Variants in SSH2 observed in about 807,000 individuals in gnomAD.
SSH2 encodes protein phosphatase Slingshot homolog 2.
Under a neutral mutation model 135.2 loss-of-function variants are expected in SSH2, and 37 were observed. The ratio of observed to expected loss-of-function variants is 0.27; its 90% CI spans 0.21 to 0.36. The LOEUF is 0.36. SSH2 is among the 10% of genes least tolerant of loss of function. SSH2 has a pLI of 1.00. For missense variants in SSH2, 1,408 were observed against 1,765.3 expected (o/e 0.80, Z 3.63); for synonymous variants, 628 against 646.2 (o/e 0.97, Z 0.43).
intron 1 of SSH2, among the ~76,000 whole-genome samples, chr17:29,875,978 G>A (rs1567624808): frequency 2.6e-5 from 3 of 115,838 alleles, no homozygotes; most frequent in African/African-American, 3.6e-5. Flanking sequence ...AATTGAAGAG[G>A]ACACCAAAAA....
chr17:29,749,087 T>C (rs1369058068), intron 3 of SSH2, among the ~76,000 whole-genome samples: 28 of 152,168 alleles, frequency 1.8e-4, no homozygotes, highest in Admixed American at 1.8e-3. Flanking sequence ...TGAAAAATCT[T>C]TGTAAATTAG....
chr17:29,846,528 A>G (rs1316530192), intron 2 of SSH2, among the ~76,000 whole-genome samples: 1 of 152,224 alleles, frequency 6.6e-6, no homozygotes, highest in African/African-American at 2.4e-5. Context: ...AATACTGATA[A>G]TAAGTGTTCA....
intron 3 of SSH2, among the ~76,000 whole-genome samples, chr17:29,725,940 G>C (rs1325827112): frequency 1.3e-5 from 2 of 152,178 alleles, no homozygotes; most frequent in Non-Finnish European, 2.9e-5. Context: ...GGAATCAATA[G>C]ATTTGTGACA....
chr17:29,788,111 A>C (rs891236110), intron 3 of SSH2, among the ~76,000 whole-genome samples: 4 of 151,988 alleles, frequency 2.6e-5, no homozygotes, highest in African/African-American at 7.3e-5. Context: ...CTTATTTTTT[A>C]ATTGGGTTGT....
At chr17:29,827,209 A>T (rs2042761603) in intron 2 of SSH2, among the ~76,000 whole-genome samples, 1 of 152,228 alleles carries the variant, frequency 6.6e-6, no homozygotes, top group Non-Finnish European at 1.5e-5. Flanking sequence ...GCAAGTTACA[A>T]GGAAATTCCC....
At chr17:29,755,279 G>GT (rs2041077469) in intron 3 of SSH2, among the ~76,000 whole-genome samples, 1 of 152,104 alleles carries the variant, frequency 6.6e-6, no homozygotes, top group South Asian at 2.1e-4. Context: ...GATTCTCTGA[G>GT]TTGCTCATAT....
intron 2 of SSH2, among the ~76,000 whole-genome samples, chr17:29,846,007 A>G (rs1323624815): frequency 2.0e-5 from 3 of 152,006 alleles, no homozygotes; most frequent in African/African-American, 4.8e-5. Context: ...TGCCAGTATA[A>G]TAAGTCCAGA....
chr17:29,736,810 A>AAG (rs2040383826), intron 3 of SSH2, among the ~76,000 whole-genome samples: 1 of 139,072 alleles, frequency 7.2e-6, no homozygotes, highest in African/African-American at 2.7e-5. Context: ...AAAAAAAAAA[A>AAG]AAAAATGGGC....
In SSH2 at chr17:29,695,445, C is replaced by T. The variant is rs1480313125; in HGVS notation, c.357+14G>A. ...CTTTTGAGGAAGAAAATTATGATGA[C>T]ACCACTAACTTACCAGCCTGATGTT... is the stretch of plus-strand genomic sequence containing the variant. On this transcript the variant is annotated intron_variant, in intron 5 of 15. Transcript: ENST00000540801. 1.9e-6 allele frequency: 3 copies of T among 1,606,108 alleles called. No homozygotes were observed. Among genetic ancestry groups the T allele is most frequent in the East Asian group, 2.2e-5 (1 of 44,640 alleles).
At chr17:29,660,550 C>A (rs763244962) in intron 11 of SSH2, among the ~76,000 whole-genome samples, 1 of 152,100 alleles carries the variant, frequency 6.6e-6, no homozygotes, top group Non-Finnish European at 1.5e-5. Flanking sequence ...CAGGCATGAG[C>A]CACTGTGCCT....
rs562750541 is a variant in SSH2, at chr17:29,901,273, T to G, written c.63+28665A>C. Among the ~76,000 whole-genome samples, 3 of 152,060 alleles carry G rather than the reference T, an allele frequency of 2.0e-5. No homozygotes were observed. In the East Asian group the frequency reaches 5.8e-4, roughly 29 times the overall value. ...TGCACCTGTACCCTAAAACTTAAAGTATAATAATAAAAAAAAAACAATGTT... is the reference window on the plus strand; with the variant it reads ...TGCACCTGTACCCTAAAACTTAAAGGATAATAATAAAAAAAAAACAATGTT... On this transcript the variant is annotated intron_variant, in intron 1 of 15. Transcript: ENST00000540801.
At chr17:29,878,239 C>T (rs996562345) in intron 1 of SSH2, among the ~76,000 whole-genome samples, 1 of 151,970 alleles carries the variant, frequency 6.6e-6, no homozygotes, top group Non-Finnish European at 1.5e-5. Context: ...ACTAGCCTGA[C>T]CAACATGGAG....
At chr17:29,738,782 C>T (rs559730804) in intron 3 of SSH2, among the ~76,000 whole-genome samples, 1 of 152,002 alleles carries the variant, frequency 6.6e-6, no homozygotes, top group East Asian at 1.9e-4. Context: ...TCTCAATCTA[C>T]TGACCTTGTG....
At chr17:29,757,727 CAA>C (rs57511763) in intron 3 of SSH2, among the ~76,000 whole-genome samples, 11 of 78,766 alleles carry the variant, frequency 1.4e-4, no homozygotes, top group South Asian at 9.1e-4. Flanking sequence ...GCTGTCTCTA[CAA>C]AAAAAAAAAA....
chr17:29,803,948 G>A lies in SSH2; in HGVS notation c.145-10011C>T, dbSNP rs761051384. 6.6e-5 allele frequency among the ~76,000 whole-genome samples: 10 copies of A among 152,304 alleles called. No homozygotes were observed. In the East Asian group the frequency reaches 9.7e-4, roughly 15 times the overall value. ...ACACACAGTATGGTCCAGGACCAGA[G>A]TGAATACCTAGGCACTCATAATCTG... is the stretch of plus-strand genomic sequence containing the variant. On this transcript the variant is annotated intron_variant, in intron 2 of 15. Transcript: ENST00000540801.
intron 2 of SSH2, among the ~76,000 whole-genome samples, chr17:29,826,119 A>C (rs773650416): frequency 2.3e-4 from 35 of 152,228 alleles, no homozygotes; most frequent in Non-Finnish European, 4.4e-4. Context: ...CTGCAAAAAC[A>C]CAAAGCATCA....
chr17:29,709,659 A>G (rs1229895764), intron 3 of SSH2, among the ~76,000 whole-genome samples: 3 of 152,208 alleles, frequency 2.0e-5, no homozygotes, highest in Admixed American at 2.0e-4. Flanking sequence ...CCTGGGAAAC[A>G]GAGCGAAACT....
chr17:29,829,760 T>TA (rs1256342114), intron 2 of SSH2, among the ~76,000 whole-genome samples: 1 of 151,990 alleles, frequency 6.6e-6, no homozygotes, highest in Non-Finnish European at 1.5e-5. Context: ...CAAATATTTT[T>TA]AAAAAATCTC....
At chr17:29,846,655 G>A (rs934246335) in intron 2 of SSH2, among the ~76,000 whole-genome samples, 4 of 152,226 alleles carry the variant, frequency 2.6e-5, no homozygotes, top group Middle Eastern at 6.3e-3. Context: ...TGAATGAAAT[G>A]CAGTTGTGTA....
Sources: allele counts gnomAD v4.1 joint callset (sites outside exome capture counted in the v4.1 genomes callset), GRCh38; gene constraint gnomAD v4.1.1; transcripts MANE v1.5; gene names NCBI Gene and HGNC (gene_info 2026-07-23, HGNC 2026-07-21).